The following TCF7L1 variants were observed in gnomAD, a reference collection of about 807,000 sequenced individuals.
TCF7L1 encodes transcription factor 7 like 1.
TCF7L1 carries 18 observed loss-of-function variants against 63.7 expected under a neutral mutation model. That is an observed-to-expected ratio of 0.28 (90% CI 0.20 to 0.42). The LOEUF (loss-of-function observed/expected upper bound fraction) is 0.42. Among genes scored for constraint, TCF7L1 ranks in the 10% least tolerant of loss-of-function variants. The pLI, the probability that TCF7L1 is intolerant of heterozygous loss-of-function variation, is 1.00. For synonymous variants in TCF7L1, 355 were observed against 340.9 expected (o/e 1.04, Z -0.46); for missense variants, 654 against 779.3 (o/e 0.84, Z 1.91).
intron 3 of TCF7L1, among the ~76,000 whole-genome samples, chr2:85,143,694 A>G (rs1677798986): frequency 6.6e-6 from 1 of 152,226 alleles, no homozygotes; most frequent in South Asian, 2.1e-4. Flanking sequence ...TTTTACACAC[A>G]TGCCTGATAT....
chr2:85,233,308 A>C (rs1166165423), intron 3 of TCF7L1, among the ~76,000 whole-genome samples: 1 of 131,318 alleles, frequency 7.6e-6, no homozygotes, highest in South Asian at 2.5e-4. Context: ...AAAAGGTTAA[A>C]TTCAGAGATT....
chr2:85,150,388 C>T (rs1677981176), intron 3 of TCF7L1, among the ~76,000 whole-genome samples: 1 of 152,190 alleles, frequency 6.6e-6, no homozygotes. Flanking sequence ...CGCCCGCCAC[C>T]ACGCCTGGCT....
At chr2:85,262,083 T>G in intron 3 of TCF7L1, 1 of 539,390 alleles carries the variant, frequency 1.9e-6, no homozygotes, top group Non-Finnish European at 3.7e-6. Flanking sequence ...CCTTTTAGCA[T>G]GATCCGACCC....
At chr2:85,160,584 G>A (rs1289011688) in intron 3 of TCF7L1, among the ~76,000 whole-genome samples, 1 of 152,134 alleles carries the variant, frequency 6.6e-6, no homozygotes, top group Non-Finnish European at 1.5e-5. Flanking sequence ...GGGTGCAGTG[G>A]CTCACACCTG....
At chr2:85,289,144 A>G (rs1681627330) in intron 4 of TCF7L1, among the ~76,000 whole-genome samples, 1 of 147,570 alleles carries the variant, frequency 6.8e-6, no homozygotes, top group East Asian at 2.1e-4. Context: ...AACTCTTGGG[A>G]AAATGCCAGA....
intron 3 of TCF7L1, among the ~76,000 whole-genome samples, chr2:85,262,962 C>CAG (rs1287451695): frequency 5.9e-5 from 9 of 151,978 alleles, no homozygotes; most frequent in Non-Finnish European, 1.0e-4. Flanking sequence ...AGAAGGGCCT[C>CAG]AGAGAGAGAG....
chr2:85,244,178 G>T (rs916470945), intron 3 of TCF7L1, among the ~76,000 whole-genome samples: 1 of 152,184 alleles, frequency 6.6e-6, no homozygotes, highest in Non-Finnish European at 1.5e-5. Flanking sequence ...GGGCAAGGCT[G>T]GGGGGCAGCA....
intron 3 of TCF7L1, among the ~76,000 whole-genome samples, chr2:85,260,710 A>G (rs1680839472): frequency 1.3e-5 from 2 of 152,070 alleles, no homozygotes; most frequent in African/African-American, 4.8e-5. Context: ...CGTGTGAAAG[A>G]TGTTTCGGTG....
chr2:85,139,324 A>G (rs150153593), intron 3 of TCF7L1, among the ~76,000 whole-genome samples: 30 of 152,248 alleles, frequency 2.0e-4, no homozygotes, highest in African/African-American at 7.0e-4. Context: ...GCACTCTTAA[A>G]ACTAATTCCT....
intron 3 of TCF7L1, among the ~76,000 whole-genome samples, chr2:85,274,360 G>A (rs1681224922): frequency 1.3e-5 from 2 of 152,180 alleles, no homozygotes; most frequent in African/African-American, 2.4e-5. Flanking sequence ...CCTGGTCAGG[G>A]CCACCACAGA....
At chr2:85,248,341 G>A (rs1680515004) in intron 3 of TCF7L1, among the ~76,000 whole-genome samples, 1 of 152,202 alleles carries the variant, frequency 6.6e-6, no homozygotes, top group Admixed American at 6.5e-5. Flanking sequence ...TTCTACTTCA[G>A]TAGGGCTGTC....
chr2:85,219,312 G>A (rs969035006), intron 3 of TCF7L1, among the ~76,000 whole-genome samples: 4 of 152,146 alleles, frequency 2.6e-5, no homozygotes, highest in South Asian at 2.1e-4. Flanking sequence ...TGACACATTT[G>A]CGTATTATAT....
chr2:85,247,155 T>G, intron 3 of TCF7L1, among the ~76,000 whole-genome samples: 1 of 152,214 alleles, frequency 6.6e-6, no homozygotes, highest in East Asian at 1.9e-4. Flanking sequence ...ATCCATTTTC[T>G]TAGAGAAACT....
chr2:85,261,661 G>A (rs965682325), intron 3 of TCF7L1, among the ~76,000 whole-genome samples: 1 of 152,174 alleles, frequency 6.6e-6, no homozygotes, highest in African/African-American at 2.4e-5. Flanking sequence ...GGAGGCTGAG[G>A]CAGTGGGATT....
chr2:85,281,855 T>C (rs542632477), intron 3 of TCF7L1, among the ~76,000 whole-genome samples: 1 of 152,278 alleles, frequency 6.6e-6, no homozygotes, highest in South Asian at 2.1e-4. Flanking sequence ...GGTCAAGACT[T>C]ATGGTGAATG....
chr2:85,180,783 A>G (rs1678787505), intron 3 of TCF7L1, among the ~76,000 whole-genome samples: 1 of 152,164 alleles, frequency 6.6e-6, no homozygotes, highest in Admixed American at 6.5e-5. Context: ...CCCAACACAT[A>G]GGTTAGGACC....
chr2:85,160,382 G>A (rs72840111), intron 3 of TCF7L1, among the ~76,000 whole-genome samples: 3,992 of 152,166 alleles, frequency 0.026, 75 homozygotes, highest in Non-Finnish European at 0.038. Context: ...GTGTCACCAC[G>A]CCCAGCAAAT....
chr2:85,192,216 C>T (rs1436460899), intron 3 of TCF7L1, among the ~76,000 whole-genome samples: 2 of 152,184 alleles, frequency 1.3e-5, no homozygotes, highest in Non-Finnish European at 2.9e-5. Flanking sequence ...TACATGTTTT[C>T]TATCCTCCTC....
At chr2:85,249,045 T>C (rs1680533467) in intron 3 of TCF7L1, among the ~76,000 whole-genome samples, 1 of 151,624 alleles carries the variant, frequency 6.6e-6, no homozygotes, top group Non-Finnish European at 1.5e-5. Flanking sequence ...GTGAACTTGG[T>C]TTTCCGTCTC....
Sources: allele counts gnomAD v4.1 joint callset (sites outside exome capture counted in the v4.1 genomes callset), GRCh38; gene constraint gnomAD v4.1.1; transcripts MANE v1.5; gene names NCBI Gene and HGNC (gene_info 2026-07-23, HGNC 2026-07-21).